Variants in DSCAML1 observed in about 807,000 individuals in gnomAD.
DSCAML1 encodes DS cell adhesion molecule like 1, also known as cell adhesion molecule DSCAML1.
In DSCAML1, 38 loss-of-function variants were observed where a neutral mutation model predicts 200.5. The ratio of observed to expected loss-of-function variants is 0.19; its 90% CI spans 0.15 to 0.25. The LOEUF (loss-of-function observed/expected upper bound fraction) is 0.25. DSCAML1 is among the 10% of genes least tolerant of loss of function. The pLI, the probability that DSCAML1 is intolerant of heterozygous loss-of-function variation, is 1.00. For missense variants in DSCAML1, 2,223 were observed against 2,858.8 expected, an observed-to-expected ratio of 0.78 and a Z score of 5.07; for synonymous variants, 1,215 against 1,165.0, an observed-to-expected ratio of 1.04 and a Z score of -0.87.
At chr11:117,592,689 C>T (rs1230374812) in intron 3 of DSCAML1, among the ~76,000 whole-genome samples, 8 of 152,202 alleles carry the variant, frequency 5.3e-5, no homozygotes, top group Admixed American at 2.0e-4. Flanking sequence ...AACATAATCC[C>T]TTAAATAACC....
chr11:117,578,278 T>C (rs995010462), intron 3 of DSCAML1, among the ~76,000 whole-genome samples: 1 of 150,068 alleles, frequency 6.7e-6, no homozygotes, highest in African/African-American at 2.5e-5. Context: ...TGAACTTCTC[T>C]TGGCTTCCAT....
At chr11:117,741,889 G>C (rs983392646) in intron 3 of DSCAML1, among the ~76,000 whole-genome samples, 2 of 152,194 alleles carry the variant, frequency 1.3e-5, no homozygotes, top group Admixed American at 6.5e-5. Context: ...TTAGTATCAT[G>C]GTGGGAATGC....
At chr11:117,510,064 C>G (rs1393992684) in intron 8 of DSCAML1, among the ~76,000 whole-genome samples, 1 of 152,246 alleles carries the variant, frequency 6.6e-6, no homozygotes, top group Admixed American at 6.5e-5. Flanking sequence ...GTGGTCGAGG[C>G]AGGCCATTCA....
chr11:117,439,195 C>T (rs974678182), intron 23 of DSCAML1, 71 bp downstream of exon 23: 77 of 1,573,134 alleles, frequency 4.9e-5, no homozygotes, highest in Middle Eastern at 1.7e-4. Context: ...ATGACCCTCT[C>T]GCATGATGGA....
chr11:117,511,631 G>A (rs1249012439), intron 8 of DSCAML1, among the ~76,000 whole-genome samples: 1 of 152,082 alleles, frequency 6.6e-6, no homozygotes, highest in Middle Eastern at 3.2e-3. Flanking sequence ...ATATGCCAAG[G>A]CACACACAGC....
At chr11:117,596,039 T>G (rs2051357097) in intron 3 of DSCAML1, among the ~76,000 whole-genome samples, 1 of 152,216 alleles carries the variant, frequency 6.6e-6, no homozygotes, top group Non-Finnish European at 1.5e-5. Flanking sequence ...CAAACATTCC[T>G]GGGAAAGAGA....
chr11:117,744,955 G>A (rs2054490615), intron 3 of DSCAML1, among the ~76,000 whole-genome samples: 2 of 152,236 alleles, frequency 1.3e-5, no homozygotes, highest in African/African-American at 4.8e-5. Context: ...AGGACGTGCT[G>A]CCCAGAGGGT....
At chr11:117,443,750 A>C in intron 21 of DSCAML1, 136 bp downstream of exon 21, 1 of 1,244,804 alleles carries the variant, frequency 8.0e-7, no homozygotes, top group Non-Finnish European at 1.1e-6. Flanking sequence ...TGCGGGAGGC[A>C]GGCGGGTGGC....
In DSCAML1 at chr11:117,504,024, G is replaced by A. The variant is rs1386000908; in HGVS notation, c.2183-3C>T. ...GTACTGCTGGGGGTTCCCGCTCCCTGGAAGGAGGCAGCTGTTAGGAGGGCT... is the reference window on the plus strand; with the variant it reads ...GTACTGCTGGGGGTTCCCGCTCCCTAGAAGGAGGCAGCTGTTAGGAGGGCT... On this transcript the variant is annotated splice_polypyrimidine_tract_variant and splice_region_variant and intron_variant, in intron 10 of 32. Coordinates refer to ENST00000651296, the MANE Select transcript of DSCAML1 (RefSeq NM_020693.4). The surrounding 1 kb of genome is among the most constrained non-coding windows in gnomAD (Gnocchi z 5.0). 1.9e-6 allele frequency: 3 copies of A among 1,613,574 alleles called. No homozygotes were observed. Among genetic ancestry groups the A allele is most frequent in the South Asian group, 1.1e-5 (1 of 91,016 alleles).
intron 3 of DSCAML1, among the ~76,000 whole-genome samples, chr11:117,688,246 C>T (rs1229265158): frequency 6.6e-6 from 1 of 152,214 alleles, no homozygotes; most frequent in Non-Finnish European, 1.5e-5. Flanking sequence ...AAGGCAGGGA[C>T]AGGGCTGGCT....
At chr11:117,590,367 TAA>T (rs72401768) in intron 3 of DSCAML1, among the ~76,000 whole-genome samples, 13,537 of 139,098 alleles carry the variant, frequency 0.097, 633 homozygotes, top group Middle Eastern at 0.17. Flanking sequence ...ATACATAACT[TAA>T]AAAAAAAAAA....
chr11:117,460,000 C>T (rs1225710315), intron 18 of DSCAML1, among the ~76,000 whole-genome samples: 1 of 152,234 alleles, frequency 6.6e-6, no homozygotes, highest in Non-Finnish European at 1.5e-5. Context: ...AGAAACCAGG[C>T]TGGCCTGTCC....
At position 117,539,606 on chromosome 11, in the gene DSCAML1, C is replaced by CAAAAAAAA. The variant is rs35130897; in HGVS notation, c.512-7092_512-7085dup. 1.2e-3 allele frequency among the ~76,000 whole-genome samples: 61 copies of CAAAAAAAA among 52,586 alleles called. 1 individual carries two copies. The highest frequency in any genetic ancestry group is 4.9e-3 in the East Asian group (10 of 2,044). The allele number at this position is 52,586 out of a possible 152,430, so 34.5% of individuals were successfully genotyped here. ...CTGGGCAACAAGAGTAAAACTCTGT[C>CAAAAAAAA]AAAAAAAAAAAAAAAAAAAAAAAAG... On this transcript the variant is annotated intron_variant, in intron 3 of 32. Coordinates refer to ENST00000651296, the MANE Select transcript of DSCAML1 (RefSeq NM_020693.4).
chr11:117,814,462 C>A (rs561395520), intron 1 of DSCAML1, among the ~76,000 whole-genome samples: 1 of 152,352 alleles, frequency 6.6e-6, no homozygotes, highest in South Asian at 2.1e-4. Flanking sequence ...CCTACCCTGA[C>A]CCCACAACTT....
Position 117,784,184 on chromosome 11 carries a change from G to A in DSCAML1, c.47-3374C>T, listed in dbSNP as rs1002103971. Among the ~76,000 whole-genome samples, 4 of 152,294 alleles carry A rather than the reference G, an allele frequency of 2.6e-5. No homozygotes were observed. In the South Asian group the frequency reaches 8.3e-4, roughly 32 times the overall value. On this transcript the variant is annotated intron_variant, in intron 1 of 32. Coordinates refer to ENST00000651296, the MANE Select transcript of DSCAML1 (RefSeq NM_020693.4). ...TGTCTTCTGAGTCTGGGGGAGCAGG[G>A]GAGGATTAGACACACCATTCATTTC...
chr11:117,786,503 A>G (rs1198818508), intron 1 of DSCAML1, among the ~76,000 whole-genome samples: 2 of 151,996 alleles, frequency 1.3e-5, no homozygotes, highest in Non-Finnish European at 2.9e-5. Context: ...CTCGCCCTCC[A>G]CCGCTTGCTT....
chr11:117,745,973 G>A (rs1052660351), intron 3 of DSCAML1, among the ~76,000 whole-genome samples: 1 of 152,080 alleles, frequency 6.6e-6, no homozygotes, highest in Non-Finnish European at 1.5e-5. Context: ...CCAGCACTTT[G>A]GGAGGCGGAG....
At chr11:117,558,561 C>T (rs539690188) in intron 3 of DSCAML1, among the ~76,000 whole-genome samples, 1 of 152,048 alleles carries the variant, frequency 6.6e-6, no homozygotes, top group Non-Finnish European at 1.5e-5. Flanking sequence ...AGCCCAGGAG[C>T]TCAACACCAG....
chr11:117,580,091 C>T (rs1241130821), intron 3 of DSCAML1, among the ~76,000 whole-genome samples: 4 of 152,086 alleles, frequency 2.6e-5, no homozygotes, highest in Admixed American at 6.5e-5. Context: ...GTGCTGAGCT[C>T]CTTAAGTGTT....
Sources: gnomAD v4.1 joint callset for allele counts (sites outside exome capture counted in the v4.1 genomes callset) on GRCh38, gnomAD v4.1.1 for gene constraint, Gnocchi (gnomAD v3.1) non-coding constraint, MANE v1.5 for transcripts, NCBI Gene and HGNC (gene_info 2026-07-23, HGNC 2026-07-21) for gene names.